Variants in ZFAND3 observed in about 807,000 individuals in gnomAD.
The protein encoded by ZFAND3 is zinc finger AN1-type containing 3, also known as AN1-type zinc finger protein 3.
Under a neutral mutation model 29.6 loss-of-function variants are expected in ZFAND3, and 10 were observed. The observed-to-expected ratio is 0.34, with a 90% confidence interval of 0.21 to 0.57. ZFAND3 has a LOEUF of 0.57. Among genes scored for constraint, ZFAND3 ranks in the 20% least tolerant of loss-of-function variants. The pLI, the probability that ZFAND3 is intolerant of heterozygous loss-of-function variation, is 0.86. For synonymous variants in ZFAND3, 128 were observed against 112.6 expected (o/e 1.14, Z -0.87); for missense variants, 230 against 304.5 (o/e 0.76, Z 1.82).
intron 5 of ZFAND3, among the ~76,000 whole-genome samples, chr6:38,138,534 G>A (rs929339952): frequency 1.3e-5 from 2 of 152,172 alleles, no homozygotes; most frequent in Admixed American, 6.5e-5. Flanking sequence ...TGGAGCCATC[G>A]GCCTCACCGC....
chr6:38,099,463 A>G (rs912250611), intron 4 of ZFAND3, among the ~76,000 whole-genome samples: 5 of 152,196 alleles, frequency 3.3e-5, no homozygotes, highest in African/African-American at 1.2e-4. Flanking sequence ...TTTCATTACC[A>G]GTATCCACCC....
At chr6:38,004,534 TACACACACACACAC>T (rs56068930) in intron 2 of ZFAND3, among the ~76,000 whole-genome samples, 2 of 147,346 alleles carry the variant, frequency 1.4e-5, no homozygotes, top group Non-Finnish European at 3.0e-5. Context: ...TAAAGCTGTC[TACACACACACACAC>T]ACACACACAC....
At chr6:37,942,271 A>AT (rs916412209) in intron 2 of ZFAND3, among the ~76,000 whole-genome samples, 119 of 137,056 alleles carry the variant, frequency 8.7e-4, no homozygotes, top group South Asian at 2.9e-3. Flanking sequence ...ATATATATAT[A>AT]TTTTTTTTTC....
chr6:37,883,936 A>G (rs1764942915), intron 1 of ZFAND3, among the ~76,000 whole-genome samples: 1 of 145,476 alleles, frequency 6.9e-6, no homozygotes, highest in Non-Finnish European at 1.5e-5. Context: ...GGGAACCTTT[A>G]GCCAGAGTTT....
At chr6:38,063,031 GTGGACTGTGGTCTTAACCA>G (rs1427841794) in intron 3 of ZFAND3, among the ~76,000 whole-genome samples, 1 of 150,328 alleles carries the variant, frequency 6.7e-6, no homozygotes, top group African/African-American at 2.4e-5. Flanking sequence ...CAGGGTTACA[GTGGACTGTGGTCTTAACCA>G]TTACACTGCA....
chr6:37,871,263 T>C (rs559681895), intron 1 of ZFAND3, among the ~76,000 whole-genome samples: 3 of 152,348 alleles, frequency 2.0e-5, no homozygotes, highest in South Asian at 2.1e-4. Flanking sequence ...CCAGTGAATG[T>C]TCTTATTTTG....
At chr6:37,933,963 C>A (rs372965654) in intron 2 of ZFAND3, among the ~76,000 whole-genome samples, 206 of 148,868 alleles carry the variant, frequency 1.4e-3, no homozygotes, top group African/African-American at 4.8e-3. Flanking sequence ...TCTCTGCTTA[C>A]CGCAACCTCC....
At chr6:38,031,211 G>T (rs1561972845) in intron 2 of ZFAND3, among the ~76,000 whole-genome samples, 1 of 151,876 alleles carries the variant, frequency 6.6e-6, no homozygotes, top group Non-Finnish European at 1.5e-5. Flanking sequence ...CTCTGTATTT[G>T]GGTCCCCTCT....
chr6:38,109,033 G>C (rs1019680278), intron 4 of ZFAND3, among the ~76,000 whole-genome samples: 1 of 151,956 alleles, frequency 6.6e-6, no homozygotes, highest in Non-Finnish European at 1.5e-5. Context: ...AACCAAGGGT[G>C]TCCTCTCTCA....
At chr6:37,996,402 T>G (rs1762850377) in intron 2 of ZFAND3, among the ~76,000 whole-genome samples, 1 of 152,206 alleles carries the variant, frequency 6.6e-6, no homozygotes. Context: ...ATAAGTGTCC[T>G]CAATTTAAAT....
chr6:37,963,792 C>T (rs958258533), intron 2 of ZFAND3, among the ~76,000 whole-genome samples: 26 of 152,208 alleles, frequency 1.7e-4, no homozygotes, highest in African/African-American at 6.0e-4. Flanking sequence ...TTCTATTGAT[C>T]TAGGTGTCAA....
At chr6:37,886,250 A>AGTTC (rs1176571223) in intron 1 of ZFAND3, among the ~76,000 whole-genome samples, 1 of 11,950 alleles carries the variant, frequency 8.4e-5, no homozygotes, top group East Asian at 4.7e-3. Flanking sequence ...AAAAAAAAAA[A>AGTTC]AAAAAAAAAA....
At position 38,061,608 on chromosome 6, in the gene ZFAND3, A is replaced by C. The variant is rs766867477; in HGVS notation, c.128A>C (p.Gln43Pro). ...TTTTCTTCAGATTTTCAAAAGAAACAGCCAGACGATGATTCCGCTCCAAGT... is the reference window on the plus strand; with the variant it reads ...TTTTCTTCAGATTTTCAAAAGAAACCGCCAGACGATGATTCCGCTCCAAGT... Reference protein sequence around the residue: ...SKCFADFQKKQPDDDSAPSTS... With the variant: ...SKCFADFQKKPPDDDSAPSTS... The change falls in exon 3 of 6, where the codon CAG (glutamine) becomes CCG (proline). Residue 43 changes from glutamine (Q) to proline (P), a missense_variant. By Grantham distance (76) the Gln-to-Pro change is moderately conservative (BLOSUM62 -1). This residue lies in a region of ZFAND3 where 180 missense variants were observed against 202.5 expected (regional missense o/e 0.89). Coordinates refer to ENST00000287218, the MANE Select transcript of ZFAND3 (RefSeq NM_021943.3). 3 of 1,614,212 alleles carry C rather than the reference A, an allele frequency of 1.9e-6. No homozygotes were observed. Among genetic ancestry groups the C allele is most frequent in the Non-Finnish European group, 2.5e-6 (3 of 1,180,020 alleles).
intron 1 of ZFAND3, among the ~76,000 whole-genome samples, chr6:37,928,485 C>T (rs530576093): frequency 6.6e-5 from 10 of 151,980 alleles, no homozygotes; most frequent in Non-Finnish European, 8.8e-5. Flanking sequence ...AGGGAAGCAG[C>T]GGTGAGATGA....
intron 2 of ZFAND3, among the ~76,000 whole-genome samples, chr6:37,934,697 A>G (rs1761663788): frequency 6.6e-6 from 1 of 151,462 alleles, no homozygotes; most frequent in Non-Finnish European, 1.5e-5. Context: ...AAATTAGCTG[A>G]GTGTAGTGGT....
chr6:37,827,124 G>C (rs549278226), intron 1 of ZFAND3, among the ~76,000 whole-genome samples: 1 of 151,954 alleles, frequency 6.6e-6, no homozygotes, highest in Non-Finnish European at 1.5e-5. Context: ...ATTTCTTTCC[G>C]GCCCTAACAT....
At chr6:37,983,184 T>C (rs1285975270) in intron 2 of ZFAND3, among the ~76,000 whole-genome samples, 1 of 151,948 alleles carries the variant, frequency 6.6e-6, no homozygotes, top group Non-Finnish European at 1.5e-5. Context: ...GAAAAAATAT[T>C]TTAAACAATA....
intron 2 of ZFAND3, among the ~76,000 whole-genome samples, chr6:38,052,080 T>C (rs1404631962): frequency 6.6e-6 from 1 of 152,254 alleles, no homozygotes; most frequent in Non-Finnish European, 1.5e-5. Context: ...GATTATAAAG[T>C]AAGTTTAATT....
At chr6:37,935,947 C>T (rs1362982661) in intron 2 of ZFAND3, among the ~76,000 whole-genome samples, 3 of 152,106 alleles carry the variant, frequency 2.0e-5, no homozygotes, top group Non-Finnish European at 4.4e-5. Flanking sequence ...ATGAATATTC[C>T]TGCCTCTTAC....
Sources: allele counts gnomAD v4.1 joint callset (sites outside exome capture counted in the v4.1 genomes callset), GRCh38; gene constraint gnomAD v4.1.1; regional missense constraint gnomAD v4.1.1; transcripts MANE v1.5; gene names NCBI Gene and HGNC (gene_info 2026-07-23, HGNC 2026-07-21).